Variants in FMN1 observed in about 807,000 individuals in gnomAD.
The protein encoded by FMN1 is formin 1.
In FMN1, 110 loss-of-function variants were observed where a neutral mutation model predicts 132.4. The ratio of observed to expected loss-of-function variants is 0.83; its 90% CI spans 0.71 to 0.97. The LOEUF is 0.97. FMN1 is among the 50% of genes least tolerant of loss of function. The probability of loss-of-function intolerance (pLI) is 0.00; values close to 1 mark genes in which losing one functional copy is unlikely to be tolerated. For synonymous variants in FMN1, 722 were observed against 651.7 expected (o/e 1.11, Z -1.64); for missense variants, 1,792 against 1,705.3 (o/e 1.05, Z -0.90).
chr15:32,979,020 A>G (rs1268863369), intron 7 of FMN1, among the ~76,000 whole-genome samples: 1 of 152,156 alleles, frequency 6.6e-6, no homozygotes, highest in East Asian at 1.9e-4. Context: ...AGACTCTAGG[A>G]GTACTGACTA....
intron 6 of FMN1, among the ~76,000 whole-genome samples, chr15:33,009,567 T>C (rs1367492568): frequency 6.6e-6 from 1 of 152,220 alleles, no homozygotes. Flanking sequence ...AAATCTTTGC[T>C]AATATTGAAA....
intron 4 of FMN1, among the ~76,000 whole-genome samples, chr15:33,119,809 G>A (rs1365945893): frequency 6.6e-6 from 1 of 152,116 alleles, no homozygotes; most frequent in Non-Finnish European, 1.5e-5. Flanking sequence ...TTGAAAGCCA[G>A]TCTTCTTCTT....
rs867544067 is a variant in FMN1, at chr15:33,067,149, C to T, written c.2044-2075G>A. ...CCAACACTCGAATTCTGGTTTGTTA[C>T]TGCAGGTAGGTCTTGGGACCCTTCT... is the stretch of plus-strand genomic sequence containing the variant. On this transcript the variant is annotated intron_variant, in intron 5 of 20. Transcript: ENST00000616417. 4 of 1,613,978 alleles carry T rather than the reference C, an allele frequency of 2.5e-6. No individual in the cohort carries two copies. The African/African-American group carries it at 4.0e-5, about 16-fold the overall frequency.
At chr15:32,779,637 G>C (rs1288246275) in intron 19 of FMN1, among the ~76,000 whole-genome samples, 1 of 152,158 alleles carries the variant, frequency 6.6e-6, no homozygotes, top group South Asian at 2.1e-4. Context: ...ACAACCTAAT[G>C]AATAGGTTCA....
chr15:33,101,336 C>A (rs924524466), intron 4 of FMN1, among the ~76,000 whole-genome samples: 1 of 152,106 alleles, frequency 6.6e-6, no homozygotes, highest in Admixed American at 6.5e-5. Context: ...TCAAACTATA[C>A]TTACCTACAT....
Position 32,968,995 on chromosome 15 carries a change from C to T in FMN1, c.2706G>A (p.Pro902=), listed in dbSNP as rs556885755. Residue 902 remains proline, a synonymous_variant, in exon 8 of 21, where the codon CCG becomes CCA. Transcript: ENST00000616417. The part of the protein sequence containing the change: ...PPMPPVSAGP[P]LPPPPPPPPP... ...GCGGTGGAGGAGGCGGAGGTGGTAG[C>T]GGTGGCCCAGCACTCACAGGTGGCA... The T allele has an allele frequency of 2.8e-5, 30 of 1,088,818 alleles. 1 individual carries two copies. The South Asian group carries it at 4.0e-4, about 14-fold the overall frequency. The allele number at this position is 1,088,818 out of a possible 1,614,324, so 67.4% of individuals were successfully genotyped here.
chr15:33,152,301 G>A (rs1474936751), intron 4 of FMN1, among the ~76,000 whole-genome samples: 1 of 152,154 alleles, frequency 6.6e-6, no homozygotes, highest in Non-Finnish European at 1.5e-5. Context: ...CATTAAGTAT[G>A]TAAGTCAAAT....
At chr15:33,128,819 A>T (rs980304072) in intron 4 of FMN1, among the ~76,000 whole-genome samples, 3 of 152,228 alleles carry the variant, frequency 2.0e-5, no homozygotes, top group African/African-American at 4.8e-5. Context: ...CGAGCAAAAT[A>T]ACAAAGCCTC....
At chr15:32,846,777 C>T (rs1216881429) in intron 17 of FMN1, among the ~76,000 whole-genome samples, 1 of 152,132 alleles carries the variant, frequency 6.6e-6, no homozygotes, top group Non-Finnish European at 1.5e-5. Flanking sequence ...TATTGCAGCA[C>T]TATTTACGAT....
chr15:33,012,313 G>A (rs2034774860), intron 6 of FMN1: 2 of 779,900 alleles, frequency 2.6e-6, no homozygotes, highest in Admixed American at 3.4e-5. Context: ...ATGCCACCGT[G>A]GAGGAGGCAG....
chr15:32,767,000 A>G lies in FMN1; in HGVS notation c.*7310T>C, dbSNP rs2056070908. On this transcript the variant is annotated 3_prime_UTR_variant, in exon 21 of 21. Coordinates refer to ENST00000616417, the MANE Select transcript of FMN1 (RefSeq NM_001277313.2). ...TTGTTGGAGCTGTTAAACCAAGCAC[A>G]GACCAGTTTCACTGGGGTACCTGCT... The G allele has an allele frequency of 6.6e-6, 1 of 152,264 alleles. No homozygotes were observed. Among genetic ancestry groups the G allele is most frequent in the Admixed American group, 6.5e-5 (1 of 15,278 alleles). The allele number at this position is 152,264 out of a possible 1,614,324, so 9.4% of individuals were successfully genotyped here.
chr15:32,785,218 A>ATATATTTTTTTTTTTTT (rs1444523400), intron 19 of FMN1, among the ~76,000 whole-genome samples: 6 of 39,202 alleles, frequency 1.5e-4, no homozygotes, highest in African/African-American at 2.4e-4. Flanking sequence ...ATATATATAT[A>ATATATTTTTTTTTTTTT]TTTTTTTTTT....
chr15:33,091,955 T>A (rs2038919562), intron 4 of FMN1, among the ~76,000 whole-genome samples: 1 of 152,212 alleles, frequency 6.6e-6, no homozygotes, highest in Non-Finnish European at 1.5e-5. Flanking sequence ...AGTTTAAACA[T>A]GTCTTTCCTT....
Position 32,971,824 on chromosome 15 carries a change from A to C in FMN1, c.2224-2347T>G, listed in dbSNP as rs147339804. On this transcript the variant is annotated intron_variant, in intron 7 of 20. Coordinates refer to ENST00000616417, the MANE Select transcript of FMN1 (RefSeq NM_001277313.2). ...GTTTCTGCCTCCCCTATCAGATTATAAACTCCCCAAGATGAAATCTTGTAT... is the reference window on the plus strand; with the variant it reads ...GTTTCTGCCTCCCCTATCAGATTATCAACTCCCCAAGATGAAATCTTGTAT... 1.9e-3 allele frequency among the ~76,000 whole-genome samples: 290 copies of C among 152,334 alleles called. 3 individuals are homozygous for C. Among genetic ancestry groups the C allele is most frequent in the African/African-American group, 6.8e-3 (282 of 41,582 alleles).
At chr15:32,819,753 G>GA (rs1215547489) in intron 17 of FMN1, among the ~76,000 whole-genome samples, 1 of 151,128 alleles carries the variant, frequency 6.6e-6, no homozygotes, top group East Asian at 1.9e-4. Context: ...AAAAAAGAAA[G>GA]AAAAAAAACC....
At chr15:32,930,849 A>G (rs1048099616) in intron 9 of FMN1, among the ~76,000 whole-genome samples, 2 of 152,074 alleles carry the variant, frequency 1.3e-5, no homozygotes, top group Non-Finnish European at 2.9e-5. Context: ...TTTCTAATCT[A>G]TTTTGAGTTG....
chr15:33,185,338 A>G (rs116474924), intron 2 of FMN1, among the ~76,000 whole-genome samples: 4,315 of 152,172 alleles, frequency 0.028, 199 homozygotes, highest in African/African-American at 0.099. Flanking sequence ...CCTTAAAATA[A>G]TTCAAGGAAT....
chr15:33,137,483 A>G (rs924929855), intron 4 of FMN1, among the ~76,000 whole-genome samples: 16 of 152,214 alleles, frequency 1.1e-4, no homozygotes, highest in Non-Finnish European at 2.4e-4. Flanking sequence ...ACTAATCCCA[A>G]AGAGTAAGAC....
intron 7 of FMN1, among the ~76,000 whole-genome samples, chr15:32,973,695 A>T (rs901933686): frequency 2.6e-5 from 4 of 152,166 alleles, no homozygotes; most frequent in African/African-American, 9.7e-5. Context: ...CAAAGTGATT[A>T]AAGTAATAAG....
Sources: gnomAD v4.1 joint callset for allele counts (sites outside exome capture counted in the v4.1 genomes callset) on GRCh38, gnomAD v4.1.1 for gene constraint, MANE v1.5 for transcripts, NCBI Gene and HGNC (gene_info 2026-07-23, HGNC 2026-07-21) for gene names.